Variants in VIT observed in about 807,000 individuals in gnomAD.
VIT encodes the protein vitrin.
In VIT, 99 loss-of-function variants were observed where a neutral mutation model predicts 78.0. That is an observed-to-expected ratio of 1.27 (90% confidence interval 1.08 to 1.50). VIT has a LOEUF of 1.50. VIT is among the 40% of genes most tolerant of loss of function. The pLI is 0.00. For synonymous variants in VIT, 374 were observed against 334.3 expected (o/e 1.12, Z -1.29); for missense variants, 1,126 against 875.3 (o/e 1.29, Z -3.61).
chr2:36,753,323 T>C (rs957316774), intron 4 of VIT, among the ~76,000 whole-genome samples: 1 of 151,952 alleles, frequency 6.6e-6, no homozygotes, highest in African/African-American at 2.4e-5. Flanking sequence ...TGCTTACTTA[T>C]GTAACAAACC....
At chr2:36,702,277 A>G (rs4670591) in intron 1 of VIT, among the ~76,000 whole-genome samples, 1 of 151,862 alleles carries the variant, frequency 6.6e-6, no homozygotes, top group Non-Finnish European at 1.5e-5. Context: ...GCTTTGGACA[A>G]GCAGACACAG....
chr2:36,758,986 G>A lies in VIT; in HGVS notation c.427G>A (p.Gly143Ser). Reference protein sequence around the residue: ...FIVLESKPKKGVTYPSALTYS... With the variant: ...FIVLESKPKKSVTYPSALTYS... The stretch of plus-strand genomic sequence containing the variant: ...TTTTGCAGAAAGTAAACCCAAAAAG[G>A]GTGTAACCTACCCATCAGCTCTTAC... Residue 143 changes from glycine (G) to serine (S), a missense_variant, in exon 6 of 16, where the codon GGT becomes AGT. Physicochemically the swap from Gly to Ser is moderately conservative, Grantham distance 56. Coordinates refer to ENST00000379242, the MANE Select transcript of VIT (RefSeq NM_053276.4). The A allele has an allele frequency of 6.2e-7, 1 of 1,613,968 alleles. No homozygotes were observed. The highest frequency in any genetic ancestry group is 1.1e-5 in the South Asian group (1 of 91,064).
Position 36,734,935 on chromosome 2 carries a change from AG to A in VIT, c.118+5446del, listed in dbSNP as rs1287837480. ...TCCCAGCACTTTGGGAGGCCGAGGC[AG>A]GTGGATCGCCTGAGGTCAGGAGTTC... is the stretch of plus-strand genomic sequence containing the variant. On this transcript the variant is annotated intron_variant, in intron 3 of 15. Transcript: ENST00000379242. 3.9e-5 allele frequency among the ~76,000 whole-genome samples: 6 copies of A among 152,214 alleles called. No individual in the cohort carries two copies. The South Asian group carries it at 6.2e-4, about 16-fold the overall frequency.
At chr2:36,768,679 C>G (rs898572812) in intron 7 of VIT, among the ~76,000 whole-genome samples, 1 of 152,160 alleles carries the variant, frequency 6.6e-6, no homozygotes, top group Admixed American at 6.5e-5. Flanking sequence ...CCTGGCTCTC[C>G]TCTTCCTTGC....
Position 36,787,210 on chromosome 2 carries a change from T to A in VIT, c.992T>A (p.Leu331Gln). Residue 331 changes from leucine (L) to glutamine (Q), a missense_variant, in exon 12 of 16, where the codon CTG (leucine) becomes CAG (glutamine). Leu to Gln is a moderately radical substitution (Grantham distance 113, BLOSUM62 -2). Coordinates refer to ENST00000379242, the MANE Select transcript of VIT (RefSeq NM_053276.4). ...CGATTCCGAATCCAGAAGCAGCTCC[T>A]GGCTGATGTTGCCCAAGCTCTTGAC... is the stretch of plus-strand genomic sequence containing the variant. ...KRRFRIQKQL[L>Q]ADVAQALDIG... is the part of the protein sequence containing the mutation. 6.2e-7 allele frequency: 1 copy of A among 1,614,134 alleles called. No homozygotes were observed. Among genetic ancestry groups the A allele is most frequent in the South Asian group, 1.1e-5 (1 of 91,060 alleles).
intron 1 of VIT, 128 bp downstream of exon 1, chr2:36,697,101 TTGAGA>T (rs1664727265): frequency 6.6e-6 from 1 of 152,110 alleles, no homozygotes; most frequent in African/African-American, 2.4e-5. Context: ...TTCAAGAGAG[TTGAGA>T]TGAAAGTGGA....
intron 10 of VIT, among the ~76,000 whole-genome samples, chr2:36,782,046 G>A (rs1019981157): frequency 2.6e-5 from 4 of 152,160 alleles, no homozygotes; most frequent in African/African-American, 7.2e-5. Flanking sequence ...CCCTCAAAAT[G>A]GGTTTGGACC....
At chr2:36,786,009 T>G (rs572508987) in intron 11 of VIT, among the ~76,000 whole-genome samples, 24 of 152,278 alleles carry the variant, frequency 1.6e-4, no homozygotes, top group African/African-American at 5.5e-4. Context: ...ATGGGAAGAC[T>G]CCAGCTCTGT....
At chr2:36,707,592 C>G (rs968074227) in intron 1 of VIT, among the ~76,000 whole-genome samples, 1 of 152,148 alleles carries the variant, frequency 6.6e-6, no homozygotes, top group Non-Finnish European at 1.5e-5. Flanking sequence ...TTGGGATCTG[C>G]CCGGGAGCTG....
intron 9 of VIT, among the ~76,000 whole-genome samples, chr2:36,777,297 G>T (rs866874477): frequency 6.6e-6 from 1 of 151,690 alleles, no homozygotes; most frequent in African/African-American, 2.4e-5. Flanking sequence ...GAACCTTTGA[G>T]AGTGCCTTAA....
intron 1 of VIT, among the ~76,000 whole-genome samples, chr2:36,702,324 C>T (rs4670592): frequency 0.32 from 48,544 of 151,916 alleles, 8,738 homozygotes; most frequent in Middle Eastern, 0.47. Context: ...TTCCCCCAGA[C>T]ACCGCCTACC....
rs550673345 is a variant in VIT at position 36,728,457 on chromosome 2, TAAA to T, written c.53-965_53-963del. Among the ~76,000 whole-genome samples, 155 of 152,118 alleles carry T rather than the reference TAAA, an allele frequency of 1.0e-3. 1 individual carries two copies. Among genetic ancestry groups the T allele is most frequent in the Middle Eastern group, 3.4e-3 (1 of 294 alleles). On this transcript the variant is annotated intron_variant, in intron 2 of 15. Coordinates refer to ENST00000379242, the MANE Select transcript of VIT (RefSeq NM_053276.4). ...CGTTATTACAAAAGAGTCAAACAGT[TAAA>T]AAATTAAAAAGTTTATAAGGTGAAA...
At position 36,808,786 on chromosome 2, in the gene VIT, C is replaced by G; in HGVS notation, c.1704C>G (p.Ser568Arg). Residue 568 changes from serine to arginine, a missense_variant, in exon 15 of 16, where the codon AGC becomes AGG. By Grantham distance (110) the Ser-to-Arg change is moderately radical. Transcript: ENST00000379242. ...QRLEFGFDKY[S>R]SKPDILNAIK... ...TGGAGTTTGGGTTCGACAAGTACAGCAGCAAGCCTGACATCCTCAACGCCA... is the reference window on the plus strand; with the variant it reads ...TGGAGTTTGGGTTCGACAAGTACAGGAGCAAGCCTGACATCCTCAACGCCA... The G allele has an allele frequency of 6.2e-7, 1 of 1,614,108 alleles. No homozygotes were observed. The highest frequency in any genetic ancestry group is 1.1e-5 in the South Asian group (1 of 91,072).
chr2:36,729,387 A>G, intron 2 of VIT, 39 bp from the exon 3 acceptor site: 1 of 1,533,282 alleles, frequency 6.5e-7, no homozygotes, highest in Non-Finnish European at 8.8e-7. Flanking sequence ...TTTAAGTAAA[A>G]TAAAATTGAT....
intron 9 of VIT, among the ~76,000 whole-genome samples, chr2:36,778,571 G>C (rs1040880495): frequency 6.6e-6 from 1 of 152,190 alleles, no homozygotes; most frequent in Admixed American, 6.5e-5. Context: ...CCCACACCGA[G>C]CCTTGGATGG....
At chr2:36,739,685 A>G (rs17019664) in intron 3 of VIT, among the ~76,000 whole-genome samples, 39,127 of 152,110 alleles carry the variant, frequency 0.26, 5,180 homozygotes, top group African/African-American at 0.28. Flanking sequence ...GATTTCTGAT[A>G]CGAAAGTGAG....
At chr2:36,775,179 A>G (rs1053289651) in intron 9 of VIT, 112 bp downstream of exon 9, 1 of 1,218,222 alleles carries the variant, frequency 8.2e-7, no homozygotes, top group Admixed American at 2.3e-5. Context: ...GCTCAACTTC[A>G]GGTCACCAGA....
chr2:36,723,599 T>A (rs1420025593), intron 2 of VIT, among the ~76,000 whole-genome samples: 1 of 152,248 alleles, frequency 6.6e-6, no homozygotes, highest in Non-Finnish European at 1.5e-5. Context: ...ATTTTCTCTA[T>A]GCATTAAACA....
intron 1 of VIT, among the ~76,000 whole-genome samples, chr2:36,714,151 T>C (rs1665981758): frequency 6.6e-6 from 1 of 152,250 alleles, no homozygotes; most frequent in South Asian, 2.1e-4. Flanking sequence ...CTCTTGCTGC[T>C]TAATTTAATT....
Sources: gnomAD v4.1 joint callset for allele counts (sites outside exome capture counted in the v4.1 genomes callset) on GRCh38, gnomAD v4.1.1 for gene constraint, MANE v1.5 for transcripts, NCBI Gene and HGNC (gene_info 2026-07-23, HGNC 2026-07-21) for gene names.